The following STUM variants were observed in gnomAD, a reference collection of about 807,000 sequenced individuals.
STUM encodes the protein stum, mechanosensory transduction mediator homolog, also known as protein stum homolog.
In STUM, 8 loss-of-function variants were observed where a neutral mutation model predicts 15.3. The observed-to-expected ratio is 0.52, with a 90% CI of 0.31 to 0.94. The LOEUF is 0.94. Ranked by LOEUF, STUM falls within the 40% of genes least tolerant of loss-of-function variation. The probability of loss-of-function intolerance (pLI) is 0.05; values close to 1 mark genes in which losing one functional copy is unlikely to be tolerated. For synonymous variants in STUM, 78 were observed against 88.7 expected, an observed-to-expected ratio of 0.88 and a Z score of 0.68; for missense variants, 142 against 204.9, an observed-to-expected ratio of 0.69 and a Z score of 1.87.
chr1:226,608,523 TGTGATTTGCA>T lies in STUM; in HGVS notation c.*6487_*6496del, dbSNP rs1178612769. 1 of 152,220 alleles carries T rather than the reference TGTGATTTGCA, an allele frequency of 6.6e-6. No individual in the cohort carries two copies. Among genetic ancestry groups the T allele is most frequent in the African/African-American group, 2.4e-5 (1 of 41,446 alleles). The allele number at this position is 152,220 out of a possible 1,614,324, so 9.4% of individuals were successfully genotyped here. A position where few individuals can be genotyped will look rare whatever the true frequency, so the allele number is the denominator to read the frequency against. ...ATTTGCATATGAATGAGTGTTGTGTTGTGATTTGCAGTGTTTTGACACCGTGATTGGCTTT... is the reference window on the plus strand; with the variant it reads ...ATTTGCATATGAATGAGTGTTGTGTTGTGTTTTGACACCGTGATTGGCTTT... On this transcript the variant is annotated 3_prime_UTR_variant, in exon 4 of 4. Coordinates refer to ENST00000366788, the MANE Select transcript of STUM (RefSeq NM_001003665.4). This position sits in a 1 kb window ranked among gnomAD's most constrained non-coding sequence, Gnocchi z 4.0.
intron 1 of STUM, among the ~76,000 whole-genome samples, chr1:226,568,219 A>T (rs1183751908): frequency 6.6e-6 from 1 of 152,202 alleles, no homozygotes; most frequent in Non-Finnish European, 1.5e-5. Context: ...TGATTTGTCA[A>T]GTGTGTTTAT....
rs538064275 is a variant in STUM, at chr1:226,607,786, T to A, written c.*5746T>A. ...CCCTCTCTGCCTGAATTTGCCAAAA[T>A]GCCAACCATCCGGGCAGGTGTGGAT... is the stretch of plus-strand genomic sequence containing the variant. On this transcript the variant is annotated 3_prime_UTR_variant, in exon 4 of 4. Transcript: ENST00000366788. 1 of 152,404 alleles carries A rather than the reference T, an allele frequency of 6.6e-6. No homozygotes were observed. Among genetic ancestry groups the A allele is most frequent in the South Asian group, 2.1e-4 (1 of 4,826 alleles). 9.4% of individuals were successfully genotyped at this position (152,404 alleles called of 1,614,324 possible).
At chr1:226,593,142 C>A (rs1246669644) in intron 1 of STUM, among the ~76,000 whole-genome samples, 1 of 148,578 alleles carries the variant, frequency 6.7e-6, no homozygotes, top group East Asian at 2.0e-4. Context: ...GCTGAGATCA[C>A]ACCACTGCAC....
chr1:226,589,479 A>G (rs1056697506), intron 1 of STUM, among the ~76,000 whole-genome samples: 1 of 152,146 alleles, frequency 6.6e-6, no homozygotes, highest in African/African-American at 2.4e-5. Flanking sequence ...AGCTGAGAGT[A>G]CAGAGACCAC....
chr1:226,566,870 C>T (rs998997963), intron 1 of STUM, among the ~76,000 whole-genome samples: 2 of 152,166 alleles, frequency 1.3e-5, no homozygotes, highest in Non-Finnish European at 2.9e-5. Flanking sequence ...TTACAGTTGC[C>T]ATGGCAATAT....
rs968907088 is a variant in STUM, at chr1:226,552,392, C to T, written c.202+3286C>T. On this transcript the variant is annotated intron_variant, in intron 1 of 3. Coordinates refer to ENST00000366788, the MANE Select transcript of STUM (RefSeq NM_001003665.4). This position sits in a 1 kb window ranked among gnomAD's most constrained non-coding sequence, Gnocchi z 4.7. The stretch of plus-strand genomic sequence containing the variant: ...TACTAATAAAGACCACCGTTGGTAC[C>T]TTCATGTTCCAACAATTAGGGTGTT... 2.6e-5 allele frequency among the ~76,000 whole-genome samples: 4 copies of T among 152,296 alleles called. No homozygotes were observed. Among genetic ancestry groups the T allele is most frequent in the African/African-American group, 9.6e-5 (4 of 41,554 alleles).
intron 1 of STUM, among the ~76,000 whole-genome samples, chr1:226,577,979 G>A (rs1007887601): frequency 1.1e-4 from 16 of 152,194 alleles, no homozygotes; most frequent in East Asian, 3.9e-4. Flanking sequence ...CTGCCCCCTC[G>A]GCCTCTTCCC....
At chr1:226,564,156 G>A (rs1435214104) in intron 1 of STUM, among the ~76,000 whole-genome samples, 2 of 152,204 alleles carry the variant, frequency 1.3e-5, no homozygotes, top group South Asian at 4.1e-4. Flanking sequence ...GCCCACTCTT[G>A]GGTGAGCCCA....
At chr1:226,558,223 GA>G (rs143974639) in intron 1 of STUM, among the ~76,000 whole-genome samples, 1,820 of 152,294 alleles carry the variant, frequency 0.012, 13 homozygotes, top group South Asian at 0.038. Context: ...CCTATATATA[GA>G]AAACCTTACA....
chr1:226,557,043 T>A (rs1667457743), intron 1 of STUM, among the ~76,000 whole-genome samples: 1 of 152,234 alleles, frequency 6.6e-6, no homozygotes, highest in Admixed American at 6.5e-5. Context: ...TTATTAACTA[T>A]ATTTACCACA....
chr1:226,551,630 T>G (rs1667377497), intron 1 of STUM, among the ~76,000 whole-genome samples: 1 of 152,262 alleles, frequency 6.6e-6, no homozygotes, highest in Admixed American at 6.5e-5. Flanking sequence ...TGCTCTTTGA[T>G]GAAATGCAGC....
chr1:226,601,860 G>A, intron 3 of STUM, 146 bp from the exon 4 acceptor site: 1 of 686,768 alleles, frequency 1.5e-6, no homozygotes, highest in East Asian at 2.7e-5. Flanking sequence ...AAAGCCCTTG[G>A]GAAAAGTTGT....
intron 1 of STUM, among the ~76,000 whole-genome samples, chr1:226,563,455 GT>G (rs1558278890): frequency 6.6e-6 from 1 of 152,230 alleles, no homozygotes; most frequent in Admixed American, 6.5e-5. Flanking sequence ...AGTATGAGGT[GT>G]TTTTCTGCTC....
intron 1 of STUM, among the ~76,000 whole-genome samples, chr1:226,568,811 C>T (rs1358505649): frequency 1.3e-5 from 2 of 152,252 alleles, no homozygotes; most frequent in Non-Finnish European, 2.9e-5. Flanking sequence ...CACCTCATTG[C>T]TCCAGGGACA....
rs1239108712 is a variant in STUM, at chr1:226,568,347, G to T, written c.202+19241G>T. The stretch of plus-strand genomic sequence containing the variant: ...AGGGCTGCCGTCAACCCTAGGCGGG[G>T]TGGGTTGTTCAGGGCCTATCAGCAC... On this transcript the variant is annotated intron_variant, in intron 1 of 3. Coordinates refer to ENST00000366788, the MANE Select transcript of STUM (RefSeq NM_001003665.4). 3.9e-5 allele frequency among the ~76,000 whole-genome samples: 6 copies of T among 152,208 alleles called. No homozygotes were observed. In the East Asian group the frequency reaches 9.6e-4, roughly 24 times the overall value.
chr1:226,602,047 G>C lies in STUM; in HGVS notation c.*7G>C, dbSNP rs553158. The C allele has an allele frequency of 6.2e-7, 1 of 1,605,102 alleles. No homozygotes were observed. Among genetic ancestry groups the C allele is most frequent in the East Asian group, 2.2e-5 (1 of 44,862 alleles). On this transcript the variant is annotated 3_prime_UTR_variant, in exon 4 of 4. Transcript: ENST00000366788. The stretch of plus-strand genomic sequence containing the variant: ...CATCCCACAGCAGCTGTGAGCCCAC[G>C]GGAGCCGCTGGGGAGATCCAGGGGG...
At chr1:226,593,718 G>A (rs980702638) in intron 1 of STUM, among the ~76,000 whole-genome samples, 8 of 152,212 alleles carry the variant, frequency 5.3e-5, no homozygotes, top group African/African-American at 1.9e-4. Context: ...ATCTCCCACA[G>A]GGCCTCTGGA....
chr1:226,586,230 G>A (rs961621760), intron 1 of STUM, among the ~76,000 whole-genome samples: 2 of 152,144 alleles, frequency 1.3e-5, no homozygotes, highest in African/African-American at 4.8e-5. Context: ...CACAGCTCAG[G>A]GACCTGGGGA....
At chr1:226,570,756 G>T (rs74691153) in intron 1 of STUM, among the ~76,000 whole-genome samples, 1 of 152,180 alleles carries the variant, frequency 6.6e-6, no homozygotes, top group African/African-American at 2.4e-5. Context: ...AGATATTAGA[G>T]ACCTAAATCC....
Sources: gnomAD v4.1 joint callset for allele counts (sites outside exome capture counted in the v4.1 genomes callset) on GRCh38, gnomAD v4.1.1 for gene constraint, Gnocchi (gnomAD v3.1) non-coding constraint, MANE v1.5 for transcripts, NCBI Gene and HGNC (gene_info 2026-07-23, HGNC 2026-07-21) for gene names.